SBF2: variants seen among roughly 807,000 people sequenced by gnomAD.
The protein encoded by SBF2 is myotubularin-related protein 13.
A neutral mutation model predicts 225.2 loss-of-function variants in SBF2; 112 were observed. That is an observed-to-expected ratio of 0.50 (90% CI 0.43 to 0.58). The LOEUF is 0.58. Ranked by LOEUF, SBF2 falls within the 20% of genes least tolerant of loss-of-function variation. The probability of loss-of-function intolerance (pLI) is 0.00; values close to 1 mark genes in which losing one functional copy is unlikely to be tolerated. For missense variants in SBF2, 1,996 were observed against 2,206.2 expected (o/e 0.90, Z 1.91); for synonymous variants, 763 against 773.3 (o/e 0.99, Z 0.22).
At chr11:10,087,245 C>T (rs1392090943) in intron 2 of SBF2, among the ~76,000 whole-genome samples, 1 of 152,080 alleles carries the variant, frequency 6.6e-6, no homozygotes, top group Non-Finnish European at 1.5e-5. Context: ...CTCCAGGCTG[C>T]TTTTCAATCT....
At chr11:10,030,951 T>C in intron 4 of SBF2, 97 bp downstream of exon 4, 1 of 1,058,610 alleles carries the variant, frequency 9.4e-7, no homozygotes, top group Non-Finnish European at 1.4e-6. Flanking sequence ...CCTAAATCAA[T>C]CTAACAATAT....
intron 2 of SBF2, among the ~76,000 whole-genome samples, chr11:10,160,952 C>T (rs1439416707): frequency 6.6e-6 from 1 of 151,992 alleles, no homozygotes; most frequent in Non-Finnish European, 1.5e-5. Context: ...TTTGGGAGGC[C>T]AAGATGGGCA....
intron 2 of SBF2, among the ~76,000 whole-genome samples, chr11:10,081,647 C>T (rs1039833928): frequency 3.3e-5 from 5 of 151,472 alleles, no homozygotes; most frequent in African/African-American, 1.2e-4. Flanking sequence ...GTAGTCCTAG[C>T]TACTCGGGAG....
intron 36 of SBF2, among the ~76,000 whole-genome samples, chr11:9,786,726 T>C (rs1852397138): frequency 6.6e-6 from 1 of 152,200 alleles, no homozygotes; most frequent in African/African-American, 2.4e-5. Flanking sequence ...GTTCCTTGTG[T>C]AGGAGAGGGA....
intron 17 of SBF2, among the ~76,000 whole-genome samples, chr11:9,890,685 G>A (rs931327213): frequency 6.6e-6 from 1 of 152,172 alleles, no homozygotes; most frequent in African/African-American, 2.4e-5. Flanking sequence ...GAGTCATTTT[G>A]AGTATCAATA....
chr11:9,920,101 AAGACTC>A (rs1334710754), intron 16 of SBF2, among the ~76,000 whole-genome samples: 1 of 152,062 alleles, frequency 6.6e-6, no homozygotes, highest in African/African-American at 2.4e-5. Context: ...AAATAGAAAT[AAGACTC>A]AGTAAGTTGC....
chr11:9,825,136 G>C (rs909888956), intron 28 of SBF2, among the ~76,000 whole-genome samples: 62 of 152,164 alleles, frequency 4.1e-4, no homozygotes, highest in African/African-American at 1.5e-3. Context: ...TATATCATTA[G>C]TTAAGATGAG....
chr11:10,080,488 G>T (rs111593969), intron 2 of SBF2, among the ~76,000 whole-genome samples: 1 of 150,210 alleles, frequency 6.7e-6, no homozygotes, highest in Admixed American at 6.7e-5. Flanking sequence ...ACACTTATGA[G>T]AAAGACACAT....
chr11:10,079,275 GA>G, intron 2 of SBF2, among the ~76,000 whole-genome samples: 1 of 152,038 alleles, frequency 6.6e-6, no homozygotes, highest in Non-Finnish European at 1.5e-5. Context: ...AAAGAAATTA[GA>G]AAATAAATTC....
chr11:10,182,901 G>A (rs946608772), intron 2 of SBF2, among the ~76,000 whole-genome samples: 1 of 152,036 alleles, frequency 6.6e-6, no homozygotes, highest in Non-Finnish European at 1.5e-5. Context: ...AGCCTCCCGA[G>A]TAGCTGGGAC....
chr11:9,851,317 T>C (rs1290854212), intron 21 of SBF2, among the ~76,000 whole-genome samples: 12 of 152,118 alleles, frequency 7.9e-5, no homozygotes, highest in Non-Finnish European at 1.2e-4. Flanking sequence ...GGAGGTAGTA[T>C]AGGGAGGACT....
At chr11:10,133,560 C>CT (rs1171775610) in intron 2 of SBF2, among the ~76,000 whole-genome samples, 1 of 127,348 alleles carries the variant, frequency 7.9e-6, no homozygotes, top group Non-Finnish European at 1.8e-5. Flanking sequence ...GCTAAGTCCC[C>CT]CATTGCCCAG....
chr11:9,976,512 G>A lies in SBF2; in HGVS notation c.1396-7967C>T, dbSNP rs1006600957. On this transcript the variant is annotated intron_variant, in intron 13 of 39. Transcript: ENST00000256190. ...CTTGGGAGCGTGAGGTGGGAGGATC[G>A]CTTGAGCCCAGAAGTTTGAGGCTGT... Among the ~76,000 whole-genome samples, 9 of 152,030 alleles carry A rather than the reference G, an allele frequency of 5.9e-5. No individual in the cohort carries two copies. In the East Asian group the frequency reaches 1.4e-3, roughly 23 times the overall value.
intron 2 of SBF2, among the ~76,000 whole-genome samples, chr11:10,114,162 A>T (rs1277643962): frequency 6.6e-6 from 1 of 151,566 alleles, no homozygotes; most frequent in African/African-American, 2.4e-5. Flanking sequence ...CCAAAGCATT[A>T]CTGAAGGAAT....
chr11:9,885,925 G>C (rs954295338), intron 17 of SBF2, among the ~76,000 whole-genome samples: 1 of 152,044 alleles, frequency 6.6e-6, no homozygotes, highest in Non-Finnish European at 1.5e-5. Flanking sequence ...CTAGGAGATG[G>C]GATGCGTTCT....
intron 2 of SBF2, among the ~76,000 whole-genome samples, chr11:10,146,447 A>G (rs1313618077): frequency 6.6e-6 from 1 of 151,950 alleles, no homozygotes; most frequent in African/African-American, 2.4e-5. Context: ...TCTTGAACAA[A>G]GCCGACAAAA....
At chr11:9,889,044 A>G (rs1027852064) in intron 17 of SBF2, among the ~76,000 whole-genome samples, 1 of 152,216 alleles carries the variant, frequency 6.6e-6, no homozygotes, top group African/African-American at 2.4e-5. Flanking sequence ...CTTACATGAG[A>G]AACACCAGGC....
chr11:9,944,868 GGC>G (rs1278008311), intron 16 of SBF2, among the ~76,000 whole-genome samples: 1 of 152,178 alleles, frequency 6.6e-6, no homozygotes, highest in Non-Finnish European at 1.5e-5. Context: ...CATTTTGGGA[GGC>G]TGATGCAGGA....
At chr11:10,238,449 CA>C (rs1017937923) in intron 1 of SBF2, among the ~76,000 whole-genome samples, 1 of 152,014 alleles carries the variant, frequency 6.6e-6, no homozygotes, top group Non-Finnish European at 1.5e-5. Flanking sequence ...AAACACTAAC[CA>C]AAAGAAGGCT....
Sources: gnomAD v4.1 joint callset for allele counts (sites outside exome capture counted in the v4.1 genomes callset) on GRCh38, gnomAD v4.1.1 for gene constraint, MANE v1.5 for transcripts, NCBI Gene and HGNC (gene_info 2026-07-23, HGNC 2026-07-21) for gene names.